The following IL1RAPL1 variants were observed in gnomAD, a reference collection of about 807,000 sequenced individuals.
IL1RAPL1 encodes the protein interleukin 1 receptor accessory protein like 1.
IL1RAPL1 carries 3 observed loss-of-function variants against 48.4 expected under a neutral mutation model. The observed-to-expected ratio is 0.06, with a 90% CI of 0.03 to 0.16. The LOEUF is 0.16. IL1RAPL1 is among the 10% of genes least tolerant of loss of function. The pLI, the probability that IL1RAPL1 is intolerant of heterozygous loss-of-function variation, is 1.00. For missense variants in IL1RAPL1, 349 were observed against 530.6 expected, an observed-to-expected ratio of 0.66 and a Z score of 3.36; for synonymous variants, 185 against 187.7, an observed-to-expected ratio of 0.99 and a Z score of 0.12.
At chrX:29,221,005 C>T (rs1001544944) in intron 2 of IL1RAPL1, among the ~76,000 whole-genome samples, 1 of 111,001 alleles carries the variant, frequency 9.0e-6, no homozygotes, top group Non-Finnish European at 1.9e-5. Context: ...ATGCAACCTC[C>T]ACCTACCGGG....
chrX:29,102,752 T>A (rs1342166806), intron 2 of IL1RAPL1, among the ~76,000 whole-genome samples: 1 of 111,104 alleles, frequency 9.0e-6, no homozygotes, highest in African/African-American at 3.3e-5. Context: ...ACAAAAAATA[T>A]TAGAACTGAT....
At chrX:28,901,641 A>G (rs1923077398) in intron 2 of IL1RAPL1, among the ~76,000 whole-genome samples, 1 of 112,083 alleles carries the variant, frequency 8.9e-6, no homozygotes, top group African/African-American at 3.2e-5. Context: ...TTTCTAAGAG[A>G]TGGCAGAAAC....
chrX:28,837,024 G>A (rs2147289786), intron 2 of IL1RAPL1, among the ~76,000 whole-genome samples: 1 of 110,142 alleles, frequency 9.1e-6, no homozygotes, highest in South Asian at 4.0e-4. Flanking sequence ...GGAAGATAAA[G>A]ATTTAAAAGA....
At chrX:28,765,828 A>G (rs1936229783) in intron 1 of IL1RAPL1, among the ~76,000 whole-genome samples, 1 of 112,083 alleles carries the variant, frequency 8.9e-6, no homozygotes, top group South Asian at 3.7e-4. Flanking sequence ...AAACACATGG[A>G]CGTGTTTATT....
chrX:29,292,991 A>G (rs779656595), intron 3 of IL1RAPL1, among the ~76,000 whole-genome samples: 6 of 111,545 alleles, frequency 5.4e-5, no homozygotes, highest in Non-Finnish European at 7.5e-5. Context: ...TTCTTGCCAT[A>G]GTAGGTTTCA....
intron 2 of IL1RAPL1, among the ~76,000 whole-genome samples, chrX:29,045,945 TCC>T: frequency 1.0e-4 from 2 of 19,661 alleles, no homozygotes; most frequent in Admixed American, 8.7e-4. Context: ...TCCTTCTTCC[TCC>T]TCCTCCTCCT....
chrX:29,414,614 A>G (rs1160426286), intron 5 of IL1RAPL1, among the ~76,000 whole-genome samples: 1 of 111,312 alleles, frequency 9.0e-6, no homozygotes, highest in Non-Finnish European at 1.9e-5. Context: ...CCTGCTACTC[A>G]GGAGGCTGAG....
intron 9 of IL1RAPL1, among the ~76,000 whole-genome samples, chrX:29,946,051 A>G (rs1297723733): frequency 1.8e-5 from 2 of 110,736 alleles, no homozygotes; most frequent in African/African-American, 6.6e-5. Flanking sequence ...TTCCCCTCAT[A>G]TGCCATTTCT....
intron 6 of IL1RAPL1, among the ~76,000 whole-genome samples, chrX:29,729,670 C>T (rs1927867028): frequency 9.0e-6 from 1 of 111,545 alleles, no homozygotes; most frequent in African/African-American, 3.3e-5. Flanking sequence ...CTAACACATT[C>T]CTCCTACTAA....
intron 6 of IL1RAPL1, among the ~76,000 whole-genome samples, chrX:29,803,196 C>CAT (rs1235061172): frequency 4.7e-4 from 12 of 25,587 alleles, no homozygotes; most frequent in African/African-American, 2.2e-3. Flanking sequence ...TATATGTATA[C>CAT]ATATACACAC....
At chrX:29,304,320 A>C (rs964895984) in intron 3 of IL1RAPL1, among the ~76,000 whole-genome samples, 5 of 111,209 alleles carry the variant, frequency 4.5e-5, no homozygotes, top group African/African-American at 1.6e-4. Context: ...CCACAGGACC[A>C]ACACTGCCCC....
chrX:29,920,955 T>G (rs955294913), intron 8 of IL1RAPL1, among the ~76,000 whole-genome samples: 10 of 110,855 alleles, frequency 9.0e-5, no homozygotes, highest in African/African-American at 3.3e-4. Context: ...TTTTTTGACA[T>G]ATTGTTTCTG....
chrX:28,914,767 G>A (rs898287745), intron 2 of IL1RAPL1, among the ~76,000 whole-genome samples: 22 of 112,705 alleles, frequency 2.0e-4, no homozygotes, highest in African/African-American at 6.8e-4. Flanking sequence ...AGCAAAACAT[G>A]TGTTAGCTCA....
At chrX:28,938,141 GT>G (rs1028727169) in intron 2 of IL1RAPL1, among the ~76,000 whole-genome samples, 1 of 111,273 alleles carries the variant, frequency 9.0e-6, no homozygotes, top group Admixed American at 9.6e-5. Flanking sequence ...TAACAATGAT[GT>G]TTTTCACAGA....
intron 2 of IL1RAPL1, among the ~76,000 whole-genome samples, chrX:28,970,044 A>G (rs1037326680): frequency 1.8e-5 from 2 of 111,226 alleles, no homozygotes; most frequent in East Asian, 2.8e-4. Flanking sequence ...CTTGTTGCCC[A>G]GGCTGGAGTG....
intron 5 of IL1RAPL1, among the ~76,000 whole-genome samples, chrX:29,665,503 A>G (rs1358544977): frequency 2.7e-5 from 3 of 112,439 alleles, no homozygotes; most frequent in Non-Finnish European, 3.7e-5. Context: ...TAATCCAACT[A>G]ATATTTATGA....
intron 1 of IL1RAPL1, among the ~76,000 whole-genome samples, chrX:28,774,479 C>G (rs910977485): frequency 2.7e-5 from 3 of 111,338 alleles, no homozygotes; most frequent in African/African-American, 9.8e-5. Context: ...CTTTCAGGTT[C>G]ACTCAATAAT....
chrX:29,512,339 C>T (rs199566681), intron 5 of IL1RAPL1, among the ~76,000 whole-genome samples: 7 of 84,359 alleles, frequency 8.3e-5, no homozygotes, highest in East Asian at 1.2e-3. Flanking sequence ...AAACTCTTTC[C>T]GAAGCTGAGT....
At chrX:28,720,681 A>G (rs185652010) in intron 1 of IL1RAPL1, among the ~76,000 whole-genome samples, 1 of 111,853 alleles carries the variant, frequency 8.9e-6, no homozygotes, top group African/African-American at 3.2e-5. Flanking sequence ...TCCATGGGCC[A>G]TGTGGGTATG....
Sources: gnomAD v4.1 joint callset for allele counts (sites outside exome capture counted in the v4.1 genomes callset) on GRCh38, gnomAD v4.1.1 for gene constraint, MANE v1.5 for transcripts, NCBI Gene and HGNC (gene_info 2026-07-23, HGNC 2026-07-21) for gene names.